Variants in ERC2 observed in about 807,000 individuals in gnomAD.
ERC2 encodes the protein ERC protein 2.
A neutral mutation model predicts 114.8 loss-of-function variants in ERC2; 42 were observed. The ratio of observed to expected loss-of-function variants is 0.37; its 90% CI spans 0.29 to 0.47. ERC2 has a LOEUF of 0.47. Ranked by LOEUF, ERC2 falls within the 20% of genes least tolerant of loss-of-function variation. ERC2 has a pLI of 0.99. For synonymous variants in ERC2, 454 were observed against 425.5 expected (o/e 1.07, Z -0.82); for missense variants, 939 against 1,150.7 (o/e 0.82, Z 2.66).
chr3:56,273,311 G>A (rs1290383881), intron 3 of ERC2, among the ~76,000 whole-genome samples: 1 of 145,488 alleles, frequency 6.9e-6, no homozygotes, highest in African/African-American at 2.6e-5. Flanking sequence ...GCCCAGGCCA[G>A]AGTACAGTGG....
In ERC2 at chr3:55,597,535, C is replaced by G. The variant is rs566700561; in HGVS notation, c.*39+86259G>C. 1.1e-4 allele frequency among the ~76,000 whole-genome samples: 16 copies of G among 152,280 alleles called. No individual in the cohort carries two copies. In the South Asian group the frequency reaches 2.9e-3, roughly 28 times the overall value. On this transcript the variant is annotated intron_variant, in intron 17 of 17. Transcript: ENST00000288221. ...GAGGCTTGTCTTGGTGTTACCTCCT[C>G]AGAAAAATCTTCTCGGGTCACCTTA...
intron 3 of ERC2, among the ~76,000 whole-genome samples, chr3:56,270,838 C>T (rs943899820): frequency 3.9e-5 from 6 of 152,138 alleles, no homozygotes; most frequent in Admixed American, 2.0e-4. Flanking sequence ...AGAAATTAGC[C>T]AGGTGTGGTG....
chr3:56,034,627 A>C (rs2074677129), intron 7 of ERC2, among the ~76,000 whole-genome samples: 2 of 152,216 alleles, frequency 1.3e-5, no homozygotes, highest in Admixed American at 1.3e-4. Flanking sequence ...AAATCATATC[A>C]AGTATCTTTT....
chr3:56,453,565 C>G (rs181058428), intron 1 of ERC2, among the ~76,000 whole-genome samples: 9 of 152,330 alleles, frequency 5.9e-5, no homozygotes, highest in African/African-American at 1.9e-4. Context: ...TTCTCTCTTC[C>G]TCTGCAGATT....
At chr3:56,180,834 AAAACAG>A (rs1376158137) in intron 3 of ERC2, among the ~76,000 whole-genome samples, 1 of 152,236 alleles carries the variant, frequency 6.6e-6, no homozygotes, top group Admixed American at 6.5e-5. Context: ...AAGTTTTTCT[AAAACAG>A]AAACAGAAAT....
chr3:56,288,964 C>T (rs1020047552), intron 3 of ERC2, among the ~76,000 whole-genome samples: 8 of 152,116 alleles, frequency 5.3e-5, no homozygotes, highest in Admixed American at 3.3e-4. Context: ...GGCCTTGGGG[C>T]GTGGTGGTTA....
At chr3:56,016,419 T>A (rs1018190680) in intron 8 of ERC2, among the ~76,000 whole-genome samples, 1 of 108,282 alleles carries the variant, frequency 9.2e-6, no homozygotes, top group African/African-American at 2.7e-5. Context: ...GTAGCTTCCT[T>A]TTTTTTTCTT....
intron 17 of ERC2, among the ~76,000 whole-genome samples, chr3:55,541,282 A>G (rs2107342316): frequency 6.6e-6 from 1 of 152,258 alleles, no homozygotes; most frequent in South Asian, 2.1e-4. Flanking sequence ...TGCTTTTAAA[A>G]ATTAAGATGA....
chr3:56,073,816 A>G (rs1049780824), intron 7 of ERC2, among the ~76,000 whole-genome samples: 3 of 152,204 alleles, frequency 2.0e-5, no homozygotes, highest in Non-Finnish European at 2.9e-5. Flanking sequence ...CTACCAACAG[A>G]GCAAACACGT....
chr3:55,633,413 G>A (rs2059834194), intron 17 of ERC2, among the ~76,000 whole-genome samples: 1 of 152,108 alleles, frequency 6.6e-6, no homozygotes, highest in South Asian at 2.1e-4. Context: ...CTTTTCTAGG[G>A]GGTCTAGGAT....
chr3:55,640,336 A>G (rs2060125145), intron 17 of ERC2, among the ~76,000 whole-genome samples: 1 of 152,124 alleles, frequency 6.6e-6, no homozygotes. Context: ...CTTGACATAT[A>G]TTATTGCCTT....
chr3:55,537,933 C>T (rs2054106912), intron 17 of ERC2, among the ~76,000 whole-genome samples: 1 of 152,276 alleles, frequency 6.6e-6, no homozygotes, highest in African/African-American at 2.4e-5. Flanking sequence ...TCCCCTTCCC[C>T]CAATTGCGGA....
intron 2 of ERC2, among the ~76,000 whole-genome samples, chr3:56,338,302 T>A (rs978639624): frequency 6.6e-6 from 1 of 152,246 alleles, no homozygotes; most frequent in African/African-American, 2.4e-5. Flanking sequence ...GTGTGATATC[T>A]CACAATAACA....
intron 16 of ERC2, among the ~76,000 whole-genome samples, chr3:55,693,778 A>C (rs1393826481): frequency 6.6e-6 from 1 of 151,342 alleles, no homozygotes; most frequent in East Asian, 2.0e-4. Context: ...GCGCGATCTC[A>C]GCTCACTGCC....
intron 3 of ERC2, among the ~76,000 whole-genome samples, chr3:56,176,851 C>G (rs1430178362): frequency 6.6e-6 from 1 of 152,216 alleles, no homozygotes; most frequent in Non-Finnish European, 1.5e-5. Flanking sequence ...CCCACAACCA[C>G]TACCTAGGTG....
chr3:56,298,851 T>C (rs1045843649), intron 2 of ERC2, among the ~76,000 whole-genome samples: 2 of 152,162 alleles, frequency 1.3e-5, no homozygotes, highest in Admixed American at 6.5e-5. Context: ...AATTGTATGG[T>C]ACATAAATTA....
intron 3 of ERC2, among the ~76,000 whole-genome samples, chr3:56,254,197 A>G (rs1482026224): frequency 3.3e-5 from 5 of 152,186 alleles, no homozygotes; most frequent in African/African-American, 1.2e-4. Context: ...CTGCGGCATG[A>G]TGGGATGTTG....
At chr3:56,164,286 T>G (rs1336218688) in intron 4 of ERC2, among the ~76,000 whole-genome samples, 1 of 152,022 alleles carries the variant, frequency 6.6e-6, no homozygotes, top group Non-Finnish European at 1.5e-5. Context: ...TGGCAATCAC[T>G]AATCTACTTT....
chr3:55,816,322 G>T (rs147522117), intron 14 of ERC2, among the ~76,000 whole-genome samples: 1 of 152,282 alleles, frequency 6.6e-6, no homozygotes, highest in East Asian at 1.9e-4. Flanking sequence ...GAAAGCTGCT[G>T]AAAGTTAGCA....
Sources: gnomAD v4.1 joint callset for allele counts (sites outside exome capture counted in the v4.1 genomes callset) on GRCh38, gnomAD v4.1.1 for gene constraint, MANE v1.5 for transcripts, NCBI Gene and HGNC (gene_info 2026-07-23, HGNC 2026-07-21) for gene names.